Variants in ARNT2 observed in about 807,000 individuals in gnomAD.
ARNT2 encodes the protein aryl hydrocarbon receptor nuclear translocator 2.
Under a neutral mutation model 91.7 loss-of-function variants are expected in ARNT2, and 36 were observed. The observed-to-expected ratio is 0.39, with a 90% CI of 0.30 to 0.52. The LOEUF is 0.52. Among genes scored for constraint, ARNT2 ranks in the 20% least tolerant of loss-of-function variants. The pLI is 0.72. For synonymous variants in ARNT2, 365 were observed against 347.1 expected (o/e 1.05, Z -0.57); for missense variants, 775 against 939.3 (o/e 0.83, Z 2.29).
At chr15:80,484,936 C>T (rs1896945217) in intron 5 of ARNT2, among the ~76,000 whole-genome samples, 1 of 152,214 alleles carries the variant, frequency 6.6e-6, no homozygotes, top group East Asian at 1.9e-4. Context: ...ATGACTTAAC[C>T]TCCCTGAGCC....
chr15:80,479,838 T>C (rs1283089362), intron 5 of ARNT2, among the ~76,000 whole-genome samples: 1 of 152,154 alleles, frequency 6.6e-6, no homozygotes, highest in African/African-American at 2.4e-5. Flanking sequence ...CCAGGGAGAC[T>C]CTGAGCTAAG....
chr15:80,547,501 C>G (rs1236419046), intron 8 of ARNT2, among the ~76,000 whole-genome samples: 1 of 152,242 alleles, frequency 6.6e-6, no homozygotes, highest in East Asian at 1.9e-4. Context: ...TGTATGCTTC[C>G]TTTGGGCTGT....
Position 80,584,467 on chromosome 15 carries a change from T to C in ARNT2, c.1918+3063T>C, listed in dbSNP as rs377131300. On this transcript the variant is annotated intron_variant, in intron 17 of 18. Coordinates refer to ENST00000303329, the MANE Select transcript of ARNT2 (RefSeq NM_014862.4). ...GTTGTTCGTTAGTGAGGATGGTTAC[T>C]CCCGAGGGCACAGTGGGAAAGGGTG... Among the ~76,000 whole-genome samples the C allele has an allele frequency of 1.1e-4, 17 of 152,110 alleles. 2 individuals carry two copies. The highest frequency in any genetic ancestry group is 3.9e-4 in the East Asian group (2 of 5,160).
rs149098567 is a variant in ARNT2, at chr15:80,473,346, G to A, written c.409-1664G>A. On this transcript the variant is annotated intron_variant, in intron 4 of 18. Coordinates refer to ENST00000303329, the MANE Select transcript of ARNT2 (RefSeq NM_014862.4). ...GAGGAGGGTGGAAAAAAGAGGGTCC[G>A]TGATGCGAGCAGGGCTTCATCCCAT... Among the ~76,000 whole-genome samples, 42 of 152,232 alleles carry A rather than the reference G, an allele frequency of 2.8e-4. 1 individual carries two copies. Among genetic ancestry groups the A allele is most frequent in the East Asian group, 2.1e-3 (11 of 5,174 alleles).
intron 2 of ARNT2, among the ~76,000 whole-genome samples, chr15:80,451,785 A>T (rs1302097745): frequency 1.3e-5 from 2 of 152,116 alleles, no homozygotes; most frequent in African/African-American, 4.8e-5. Flanking sequence ...ACCAACCAAA[A>T]TCCTGCAGGA....
At chr15:80,532,686 T>C (rs1219852318) in intron 8 of ARNT2, among the ~76,000 whole-genome samples, 5 of 152,206 alleles carry the variant, frequency 3.3e-5, no homozygotes, top group Non-Finnish European at 5.9e-5. Context: ...TTTATTCTTC[T>C]ATCAAAAATA....
At chr15:80,582,109 G>C (rs1177553162) in intron 17 of ARNT2, among the ~76,000 whole-genome samples, 2 of 152,218 alleles carry the variant, frequency 1.3e-5, no homozygotes, top group Non-Finnish European at 2.9e-5. Context: ...TGATTCCTCA[G>C]ATGAGCGTGA....
chr15:80,544,332 C>T (rs1336083551), intron 8 of ARNT2, among the ~76,000 whole-genome samples: 2 of 152,086 alleles, frequency 1.3e-5, no homozygotes, highest in African/African-American at 2.4e-5. Context: ...CTTGAAAACT[C>T]TCTTAAGGCT....
At chr15:80,421,037 A>G (rs560798039) in intron 1 of ARNT2, among the ~76,000 whole-genome samples, 1 of 152,332 alleles carries the variant, frequency 6.6e-6, no homozygotes, top group Admixed American at 6.5e-5. Context: ...GATAAAGAAA[A>G]TTTGGTATAT....
At chr15:80,436,848 C>T (rs548507499) in intron 1 of ARNT2, among the ~76,000 whole-genome samples, 16 of 152,294 alleles carry the variant, frequency 1.1e-4, no homozygotes, top group Middle Eastern at 3.4e-3. Flanking sequence ...GTGAGCCCAG[C>T]GGGCATGACT....
chr15:80,482,593 G>A (rs1896907088), intron 5 of ARNT2, among the ~76,000 whole-genome samples: 1 of 152,160 alleles, frequency 6.6e-6, no homozygotes, highest in African/African-American at 2.4e-5. Flanking sequence ...AAAAGCCTTG[G>A]CGTGACCCAA....
intron 3 of ARNT2, among the ~76,000 whole-genome samples, chr15:80,462,754 C>T (rs893587228): frequency 6.6e-5 from 10 of 152,322 alleles, no homozygotes; most frequent in African/African-American, 2.4e-4. Flanking sequence ...CACCCAGTTG[C>T]ACCAGTCCAA....
At position 80,574,997 on chromosome 15, in the gene ARNT2, C is replaced by A; in HGVS notation, c.1400C>A (p.Pro467His). The change falls in exon 14 of 19, where the codon CCC becomes CAC. Residue 467 changes from proline (P) to histidine (H), a missense_variant. Pro to His is a moderately conservative substitution (Grantham distance 77). Transcript: ENST00000303329. ...TTAATGTGCAAATAGGTCCCCGTCC[C>A]CAACCTACCAGCCGGTGTTCATGAG... ...SSYDLSQVPV[P>H]NLPAGVHEAG... The A allele has an allele frequency of 6.2e-7, 1 of 1,614,076 alleles. No homozygotes were observed. The highest frequency in any genetic ancestry group is 1.7e-5 in the Admixed American group (1 of 60,026).
chr15:80,519,127 G>T (rs768227903), intron 8 of ARNT2, among the ~76,000 whole-genome samples: 12 of 152,214 alleles, frequency 7.9e-5, no homozygotes, highest in Non-Finnish European at 1.8e-4. Flanking sequence ...GCGAGGCATT[G>T]TTCCAGGCAC....
chr15:80,580,163 G>A (rs959557417), intron 15 of ARNT2: 8 of 498,532 alleles, frequency 1.6e-5, no homozygotes, highest in African/African-American at 7.7e-5. Flanking sequence ...TGGGGAGAAC[G>A]AGGAGAGGAA....
At chr15:80,516,895 C>T (rs551072040) in intron 8 of ARNT2, among the ~76,000 whole-genome samples, 2 of 132,194 alleles carry the variant, frequency 1.5e-5, no homozygotes, top group African/African-American at 5.6e-5. Context: ...ATGTATAGTG[C>T]AGGCACCTTA....
At chr15:80,513,847 G>A in intron 6 of ARNT2, 64 bp from the exon 7 acceptor site, 1 of 1,372,710 alleles carries the variant, frequency 7.3e-7, no homozygotes, top group Non-Finnish European at 1.0e-6. Flanking sequence ...CTTGATGGCA[G>A]CACCATATAT....
rs895590650 is a variant in ARNT2, at chr15:80,404,749, G to A, written c.31+203G>A. The stretch of plus-strand genomic sequence containing the variant: ...TCCCAATCGCTGCCCATCCGGTCCC[G>A]GGCAGGCGCCGGTCCGGACCCGCGG... On this transcript the variant is annotated intron_variant, in intron 1 of 18. Transcript: ENST00000303329. The surrounding 1 kb of genome is among the most constrained non-coding windows in gnomAD (Gnocchi z 5.5). Among the ~76,000 whole-genome samples, 2 of 151,990 alleles carry A rather than the reference G, an allele frequency of 1.3e-5. No homozygotes were observed. Among genetic ancestry groups the A allele is most frequent in the Admixed American group, 6.5e-5 (1 of 15,272 alleles).
intron 12 of ARNT2, among the ~76,000 whole-genome samples, chr15:80,572,521 T>C (rs1197765980): frequency 6.6e-6 from 1 of 150,898 alleles, no homozygotes; most frequent in African/African-American, 2.4e-5. Context: ...CCACAGAATA[T>C]CTAGCCAGCC....
Sources: gnomAD v4.1 joint callset for allele counts (sites outside exome capture counted in the v4.1 genomes callset) on GRCh38, gnomAD v4.1.1 for gene constraint, Gnocchi (gnomAD v3.1) non-coding constraint, MANE v1.5 for transcripts, NCBI Gene and HGNC (gene_info 2026-07-23, HGNC 2026-07-21) for gene names.